The following SLC12A7 variants were observed in gnomAD, a reference collection of about 807,000 sequenced individuals.
The protein encoded by SLC12A7 is solute carrier family 12 member 7, also known as K-Cl cotransporter 4.
A neutral mutation model predicts 120.6 loss-of-function variants in SLC12A7; 100 were observed. The observed-to-expected ratio is 0.83, with a 90% confidence interval of 0.71 to 0.98. SLC12A7 has a LOEUF of 0.98. SLC12A7 is among the 50% of genes least tolerant of loss of function. SLC12A7 has a pLI of 0.00. For synonymous variants in SLC12A7, 760 were observed against 678.0 expected, an observed-to-expected ratio of 1.12 and a Z score of -1.88; for missense variants, 1,373 against 1,548.1, an observed-to-expected ratio of 0.89 and a Z score of 1.90.
At chr5:1,138,222 A>G in the SLC12A7 span, among the ~76,000 whole-genome samples, 4 of 152,258 alleles carry the variant, frequency 2.6e-5, no homozygotes, top group African/African-American at 7.2e-5. Context: ...CTTCCACATC[A>G]TTGAAATGAA....
chr5:1,068,798 C>T (rs1224253295), intron 17 of SLC12A7, among the ~76,000 whole-genome samples: 1 of 152,272 alleles, frequency 6.6e-6, no homozygotes, highest in East Asian at 1.9e-4. Flanking sequence ...TTCCCATGGC[C>T]GTGAAGACTG....
intron 1 of SLC12A7, among the ~76,000 whole-genome samples, chr5:1,106,349 A>G (rs955289596): frequency 7.0e-6 from 1 of 142,656 alleles, no homozygotes; most frequent in African/African-American, 2.6e-5. Flanking sequence ...GCTACTCGGG[A>G]GGCTGAGGCA....
chr5:1,076,649 AG>A (rs752554500), intron 13 of SLC12A7, 44 bp downstream of exon 13: 8 of 1,447,958 alleles, frequency 5.5e-6, no homozygotes, highest in Non-Finnish European at 7.7e-6. Context: ...CCCACGCTCC[AG>A]GCCCATACAC....
At chr5:1,093,771 T>G in intron 2 of SLC12A7, 116 bp from the exon 3 acceptor site, 1 of 1,461,200 alleles carries the variant, frequency 6.8e-7, no homozygotes, top group Admixed American at 2.0e-5. Context: ...AGCCCCTGGG[T>G]CTGAAGCAAG....
chr5:1,098,133 C>T, intron 1 of SLC12A7, among the ~76,000 whole-genome samples: 1 of 119,862 alleles, frequency 8.3e-6, no homozygotes, highest in East Asian at 2.7e-4. Flanking sequence ...CCTCTGCAAG[C>T]CCAGCCCCCA....
In SLC12A7 at chr5:1,069,426, T is replaced by C. The variant is rs188179593; in HGVS notation, c.2242-3948A>G. Among the ~76,000 whole-genome samples the C allele has an allele frequency of 6.4e-3, 979 of 152,294 alleles. 6 individuals carry two copies. Among genetic ancestry groups the C allele is most frequent in the African/African-American group, 0.022 (922 of 41,558 alleles). On this transcript the variant is annotated intron_variant, in intron 17 of 23. Transcript: ENST00000264930. ...GGAGGCGGTGGGGGGCGGCTGCAGA[T>C]GCCTGGACACACCCACAAGGTCCCA...
chr5:1,064,243 C>CGGACG lies in SLC12A7; in HGVS notation c.2442_2446dup (p.Arg816ProfsTer78). ...AGCCTGGTGCGCGGCGGTGGTGTCG[C>CGGACG]GGACGGTGTCTGCGGAGAGAGGCGG... On this transcript the variant is annotated frameshift_variant, in exon 19 of 24. Transcript: ENST00000264930. LOFTEE classifies it high-confidence loss of function. The CGGACG allele has an allele frequency of 6.2e-7, 1 of 1,610,010 alleles. No individual in the cohort carries two copies. The highest frequency in any genetic ancestry group is 2.2e-5 in the East Asian group (1 of 44,844).
chr5:1,136,889 G>A, the SLC12A7 span, among the ~76,000 whole-genome samples: 1 of 145,034 alleles, frequency 6.9e-6, no homozygotes, highest in Non-Finnish European at 1.5e-5. Flanking sequence ...TCAAACAGCA[G>A]GACACGCAGG....
intron 17 of SLC12A7, among the ~76,000 whole-genome samples, chr5:1,069,266 C>G (rs1737384646): frequency 6.6e-6 from 1 of 152,224 alleles, no homozygotes; most frequent in Admixed American, 6.5e-5. Flanking sequence ...GATCCTGGCC[C>G]TAGGCCACAC....
In SLC12A7 at chr5:1,052,362, A is replaced by T. The variant is rs1735132963; in HGVS notation, c.3250T>A (p.Ter1084LysextTer51). Residue 1084 changes from the stop codon to lysine, a stop_lost, in exon 24 of 24, where the codon TAA becomes AAA. Coordinates refer to ENST00000264930, the MANE Select transcript of SLC12A7 (RefSeq NM_006598.3). ...GAGTGCCGTGATGCTGTTGGGCATT[A>T]GGAGTAGATGGTGATCACCTCCCGG... The part of the protein sequence containing the change: ...GGREVITIYS[*>K] 1.9e-6 allele frequency: 3 copies of T among 1,611,726 alleles called. No individual in the cohort carries two copies. Among genetic ancestry groups the T allele is most frequent in the Non-Finnish European group, 2.5e-6 (3 of 1,178,998 alleles).
the SLC12A7 span, among the ~76,000 whole-genome samples, chr5:1,155,447 C>T: frequency 1.3e-4 from 20 of 152,282 alleles, no homozygotes; most frequent in South Asian, 8.3e-4. Context: ...GCCCCTGCCC[C>T]GGCTCGGTGT....
chr5:1,131,201 T>G, the SLC12A7 span, among the ~76,000 whole-genome samples: 1 of 152,080 alleles, frequency 6.6e-6, no homozygotes. Context: ...GGGGACACGC[T>G]CGGACTCACG....
intron 23 of SLC12A7, 151 bp from the exon 24 acceptor site, chr5:1,052,602 A>C (rs1735164088): frequency 1.5e-6 from 1 of 647,930 alleles, no homozygotes; most frequent in East Asian, 2.8e-5. Flanking sequence ...GGGATTAGAG[A>C]GACCCCCCAG....
chr5:1,122,490 A>C, the SLC12A7 span, among the ~76,000 whole-genome samples: 1 of 152,356 alleles, frequency 6.6e-6, no homozygotes, highest in East Asian at 1.9e-4. Context: ...TAATTGTAGT[A>C]AAATAATACA....
the SLC12A7 span, among the ~76,000 whole-genome samples, chr5:1,138,278 G>C: frequency 2.0e-5 from 3 of 152,252 alleles, no homozygotes; most frequent in East Asian, 1.9e-4. Context: ...AGGGCAGGGC[G>C]GCTTTTATTC....
chr5:1,075,269 C>G, intron 15 of SLC12A7, 102 bp downstream of exon 15: 3 of 1,486,268 alleles, frequency 2.0e-6, no homozygotes, highest in Non-Finnish European at 1.8e-6. Context: ...ACACGACGCT[C>G]AAGCCCCAGG....
intron 8 of SLC12A7, among the ~76,000 whole-genome samples, chr5:1,083,217 T>C (rs1739413433): frequency 6.7e-6 from 1 of 150,274 alleles, no homozygotes; most frequent in Non-Finnish European, 1.5e-5. Context: ...GGGCTTCCTC[T>C]CTAGGGCTCT....
chr5:1,085,654 G>A (rs1394972966), intron 6 of SLC12A7, among the ~76,000 whole-genome samples, 181 bp from the exon 7 acceptor site: 2 of 134,768 alleles, frequency 1.5e-5, no homozygotes, highest in Non-Finnish European at 1.7e-5. Context: ...CGGAGCCCGC[G>A]GGGGTCAGCG....
At chr5:1,121,074 C>CA in the SLC12A7 span, among the ~76,000 whole-genome samples, 2 of 152,234 alleles carry the variant, frequency 1.3e-5, no homozygotes, top group African/African-American at 4.8e-5. Context: ...ACACTGAGTC[C>CA]ACCCAACCCT....
Sources: gnomAD v4.1 joint callset for allele counts (sites outside exome capture counted in the v4.1 genomes callset) on GRCh38, gnomAD v4.1.1 for gene constraint, MANE v1.5 for transcripts, NCBI Gene and HGNC (gene_info 2026-07-23, HGNC 2026-07-21) for gene names.